The following ARHGAP10 variants were observed in gnomAD, a reference collection of about 807,000 sequenced individuals.
ARHGAP10 encodes the protein rho GTPase-activating protein 10.
ARHGAP10 carries 87 observed loss-of-function variants against 108.6 expected under a neutral mutation model. The observed-to-expected ratio is 0.80, with a 90% CI of 0.67 to 0.96. ARHGAP10 has a LOEUF of 0.96. ARHGAP10 is among the 40% of genes least tolerant of loss of function. ARHGAP10 has a pLI of 0.00. For synonymous variants in ARHGAP10, 347 were observed against 341.1 expected (o/e 1.02, Z -0.19); for missense variants, 939 against 954.5 (o/e 0.98, Z 0.21).
chr4:147,986,965 T>G (rs1259422388), intron 18 of ARHGAP10, among the ~76,000 whole-genome samples: 2 of 152,236 alleles, frequency 1.3e-5, no homozygotes, highest in Admixed American at 1.3e-4. Flanking sequence ...AAAAACCTTT[T>G]GTCTTCATTG....
intron 1 of ARHGAP10, 82 bp downstream of exon 1, chr4:147,732,537 T>C: frequency 1.3e-6 from 2 of 1,564,386 alleles, no homozygotes; most frequent in African/African-American, 1.4e-5. Flanking sequence ...ACGGAGGGTC[T>C]TGTGTCCGGG....
At chr4:147,875,928 G>C (rs1239100875) in intron 8 of ARHGAP10, among the ~76,000 whole-genome samples, 1 of 152,212 alleles carries the variant, frequency 6.6e-6, no homozygotes, top group Admixed American at 6.5e-5. Flanking sequence ...GTTAGCAGAA[G>C]GGATGAGAAT....
At chr4:147,885,769 A>T (rs115613443) in intron 10 of ARHGAP10, among the ~76,000 whole-genome samples, 1 of 152,030 alleles carries the variant, frequency 6.6e-6, no homozygotes, top group African/African-American at 2.4e-5. Flanking sequence ...AAATGTTGCC[A>T]TTTCCTATAG....
chr4:147,940,603 C>A (rs1312221981), intron 14 of ARHGAP10, among the ~76,000 whole-genome samples: 1 of 152,164 alleles, frequency 6.6e-6, no homozygotes, highest in Non-Finnish European at 1.5e-5. Flanking sequence ...GCTAGAGGGC[C>A]TGTGTATCAA....
intron 1 of ARHGAP10, among the ~76,000 whole-genome samples, chr4:147,797,976 C>T (rs1364627004): frequency 6.6e-6 from 1 of 151,754 alleles, no homozygotes; most frequent in Non-Finnish European, 1.5e-5. Context: ...CTGTCTCTTA[C>T]ATTTTCCTCT....
At chr4:147,770,209 A>G (rs534294405) in intron 1 of ARHGAP10, among the ~76,000 whole-genome samples, 2 of 152,288 alleles carry the variant, frequency 1.3e-5, no homozygotes, top group East Asian at 3.9e-4. Flanking sequence ...TTGCTGATAC[A>G]GTAGTATTTG....
At chr4:147,881,969 C>T (rs1560807513) in intron 10 of ARHGAP10, 37 bp downstream of exon 10, 1 of 1,581,112 alleles carries the variant, frequency 6.3e-7, no homozygotes, top group Non-Finnish European at 8.6e-7. Flanking sequence ...GTGAAAGAGT[C>T]GTTTTAAAAA....
At chr4:147,823,530 G>A (rs995013559) in intron 3 of ARHGAP10, among the ~76,000 whole-genome samples, 3 of 152,082 alleles carry the variant, frequency 2.0e-5, no homozygotes, top group Non-Finnish European at 2.9e-5. Context: ...GGCTAAGCTG[G>A]GTGGATTGCA....
At chr4:147,751,877 C>A (rs1036740043) in intron 1 of ARHGAP10, among the ~76,000 whole-genome samples, 5 of 149,400 alleles carry the variant, frequency 3.3e-5, no homozygotes, top group East Asian at 1.9e-4. Flanking sequence ...CTTTCTGAAG[C>A]CTTTAGTTTT....
At chr4:147,926,983 G>A (rs1487820801) in intron 13 of ARHGAP10, among the ~76,000 whole-genome samples, 1 of 152,094 alleles carries the variant, frequency 6.6e-6, no homozygotes, top group East Asian at 1.9e-4. Context: ...ATTCGCATGA[G>A]CCCCTGAAGT....
At chr4:147,839,110 A>ATCTGTCTGTCTG (rs1234855230) in intron 3 of ARHGAP10, among the ~76,000 whole-genome samples, 1 of 142,410 alleles carries the variant, frequency 7.0e-6, no homozygotes, top group African/African-American at 2.6e-5. Context: ...CTATCTATCT[A>ATCTGTCTGTCTG]TCTATCTATC....
intron 1 of ARHGAP10, among the ~76,000 whole-genome samples, chr4:147,816,754 C>G (rs1195192845): frequency 1.3e-5 from 2 of 152,200 alleles, no homozygotes; most frequent in East Asian, 3.8e-4. Flanking sequence ...TATAGTACCA[C>G]TGCTGGTTTT....
intron 1 of ARHGAP10, among the ~76,000 whole-genome samples, chr4:147,759,249 CTG>C (rs1268548264): frequency 6.6e-6 from 1 of 152,200 alleles, no homozygotes; most frequent in Non-Finnish European, 1.5e-5. Flanking sequence ...CATTGAAGAA[CTG>C]TTATCTCCAT....
chr4:147,814,198 C>T (rs1476876886), intron 1 of ARHGAP10, among the ~76,000 whole-genome samples: 1 of 151,934 alleles, frequency 6.6e-6, no homozygotes, highest in Non-Finnish European at 1.5e-5. Context: ...CCCAACAAGT[C>T]GTTGGTCGTT....
chr4:147,760,054 A>G (rs745651691), intron 1 of ARHGAP10, among the ~76,000 whole-genome samples: 3 of 152,088 alleles, frequency 2.0e-5, no homozygotes, highest in Non-Finnish European at 4.4e-5. Flanking sequence ...CTGGCCTTTT[A>G]CTGTGTATTT....
At chr4:147,792,967 G>A (rs905214178) in intron 1 of ARHGAP10, among the ~76,000 whole-genome samples, 6 of 152,022 alleles carry the variant, frequency 3.9e-5, no homozygotes, top group Admixed American at 6.6e-5. Flanking sequence ...GGTGAAACCC[G>A]TCTCCACTAA....
intron 1 of ARHGAP10, among the ~76,000 whole-genome samples, chr4:147,763,742 A>G (rs1487826887): frequency 9.6e-6 from 1 of 104,564 alleles, no homozygotes; most frequent in Non-Finnish European, 2.0e-5. Context: ...ACAGATGGTG[A>G]TTCCTTTTTT....
At chr4:147,877,177 C>G (rs112022317) in intron 8 of ARHGAP10, among the ~76,000 whole-genome samples, 1,761 of 151,562 alleles carry the variant, frequency 0.012, 25 homozygotes, top group African/African-American at 0.038. Context: ...TTGGGCTAAG[C>G]TTAAATTTTT....
chr4:147,853,854 T>C (rs539121949), intron 4 of ARHGAP10, among the ~76,000 whole-genome samples: 6 of 152,190 alleles, frequency 3.9e-5, no homozygotes, highest in Admixed American at 2.6e-4. Flanking sequence ...CATTGTTTAC[T>C]TGTGACTCTT....
Sources: gnomAD v4.1 joint callset for allele counts (sites outside exome capture counted in the v4.1 genomes callset) on GRCh38, gnomAD v4.1.1 for gene constraint, MANE v1.5 for transcripts, NCBI Gene and HGNC (gene_info 2026-07-23, HGNC 2026-07-21) for gene names.